DCC: variants seen among roughly 807,000 people sequenced by gnomAD.
DCC encodes the protein DCC netrin 1 receptor.
A neutral mutation model predicts 172.5 loss-of-function variants in DCC; 58 were observed. The ratio of observed to expected loss-of-function variants is 0.34; its 90% CI spans 0.27 to 0.42. The LOEUF is 0.42. DCC is among the 10% of genes least tolerant of loss of function. The pLI is 1.00. For missense variants in DCC, 1,740 were observed against 1,791.0 expected, an observed-to-expected ratio of 0.97 and a Z score of 0.51; for synonymous variants, 709 against 644.5, an observed-to-expected ratio of 1.10 and a Z score of -1.52.
intron 15 of DCC, among the ~76,000 whole-genome samples, chr18:53,377,390 G>GAGAGAGAGC (rs1907372825): frequency 1.2e-5 from 1 of 80,562 alleles, no homozygotes; most frequent in Non-Finnish European, 2.7e-5. Context: ...AGAGAGAGAG[G>GAGAGAGAGC]AAGAAGGCCA....
intron 1 of DCC, among the ~76,000 whole-genome samples, chr18:52,709,878 A>G (rs1012105421): frequency 5.3e-5 from 8 of 152,254 alleles, no homozygotes; most frequent in Admixed American, 4.6e-4. Flanking sequence ...GCAAATTAAT[A>G]AGATTTTTAA....
chr18:52,892,064 C>A (rs2039658110), intron 2 of DCC, among the ~76,000 whole-genome samples: 1 of 152,032 alleles, frequency 6.6e-6, no homozygotes, highest in African/African-American at 2.4e-5. Flanking sequence ...TGCTTACAGC[C>A]CCAGGTTAAT....
At chr18:53,394,106 A>T (rs1268321328) in intron 17 of DCC, among the ~76,000 whole-genome samples, 1 of 152,232 alleles carries the variant, frequency 6.6e-6, no homozygotes, top group Non-Finnish European at 1.5e-5. Context: ...TTTAAAAGGT[A>T]GGCAGGACAT....
chr18:53,522,711 A>G (rs1450780012), intron 27 of DCC, among the ~76,000 whole-genome samples: 1 of 152,200 alleles, frequency 6.6e-6, no homozygotes, highest in African/African-American at 2.4e-5. Flanking sequence ...CTGGCTAGCC[A>G]TATGCAGAAA....
At chr18:52,707,381 G>A (rs1396289465) in intron 1 of DCC, among the ~76,000 whole-genome samples, 4 of 152,136 alleles carry the variant, frequency 2.6e-5, no homozygotes, top group African/African-American at 9.7e-5. Context: ...GTCATTTTGT[G>A]TGGAAAGTTT....
intron 1 of DCC, among the ~76,000 whole-genome samples, chr18:52,539,514 C>A (rs2032380627): frequency 6.6e-6 from 1 of 152,184 alleles, no homozygotes; most frequent in Admixed American, 6.5e-5. Flanking sequence ...CATAGGAGTA[C>A]AACCCCTATT....
At chr18:52,979,009 G>C (rs1039749600) in intron 5 of DCC, among the ~76,000 whole-genome samples, 4 of 152,026 alleles carry the variant, frequency 2.6e-5, no homozygotes, top group African/African-American at 9.7e-5. Context: ...ATTGTGAATT[G>C]TGCTGTAATA....
At chr18:53,431,707 C>T (rs527588214) in intron 21 of DCC, among the ~76,000 whole-genome samples, 7 of 152,204 alleles carry the variant, frequency 4.6e-5, no homozygotes, top group Admixed American at 3.3e-4. Context: ...CTGTCTTGAT[C>T]TCTTGACCTC....
At chr18:52,646,896 C>T (rs776458292) in intron 1 of DCC, among the ~76,000 whole-genome samples, 4 of 152,174 alleles carry the variant, frequency 2.6e-5, no homozygotes, top group Non-Finnish European at 5.9e-5. Context: ...ACCTTGTAAT[C>T]ACTTGGTCTT....
At chr18:53,079,949 C>T (rs1471009461) in intron 7 of DCC, among the ~76,000 whole-genome samples, 1 of 152,068 alleles carries the variant, frequency 6.6e-6, no homozygotes, top group Non-Finnish European at 1.5e-5. Context: ...GAAAATTGGA[C>T]TTTTTGTCTA....
At chr18:52,663,748 G>C (rs2035408052) in intron 1 of DCC, among the ~76,000 whole-genome samples, 1 of 152,108 alleles carries the variant, frequency 6.6e-6, no homozygotes, top group Non-Finnish European at 1.5e-5. Flanking sequence ...TTCCATAGTA[G>C]AAAGTCATTT....
At chr18:52,944,866 TTATG>T (rs1187991947) in intron 5 of DCC, among the ~76,000 whole-genome samples, 8 of 152,188 alleles carry the variant, frequency 5.3e-5, no homozygotes, top group Non-Finnish European at 1.0e-4. Context: ...AAGTTGGTAT[TTATG>T]ATAAGAAAAG....
chr18:53,045,912 A>C (rs1324937520), intron 5 of DCC, among the ~76,000 whole-genome samples: 1 of 151,876 alleles, frequency 6.6e-6, no homozygotes, highest in Non-Finnish European at 1.5e-5. Flanking sequence ...GTTTTCATCG[A>C]CTGGGCAGGA....
intron 1 of DCC, among the ~76,000 whole-genome samples, chr18:52,482,329 A>T (rs1241070211): frequency 6.6e-6 from 1 of 152,194 alleles, no homozygotes; most frequent in Non-Finnish European, 1.5e-5. Context: ...ATTATTTGCC[A>T]GTTCCCTAAA....
At chr18:53,435,726 C>G (rs1370453960) in intron 22 of DCC, among the ~76,000 whole-genome samples, 3 of 152,164 alleles carry the variant, frequency 2.0e-5, no homozygotes, top group Non-Finnish European at 4.4e-5. Context: ...ACATTTATTT[C>G]TGCTCATCCT....
chr18:53,290,901 G>C (rs974654821), intron 12 of DCC, among the ~76,000 whole-genome samples: 6 of 152,136 alleles, frequency 3.9e-5, no homozygotes, highest in Non-Finnish European at 5.9e-5. Context: ...AGGCACAATG[G>C]CTCACACCTG....
At position 53,009,756 on chromosome 18, in the gene DCC, C is replaced by T. The variant is rs144168314; in HGVS notation, c.986-53549C>T. 3.2e-3 allele frequency among the ~76,000 whole-genome samples: 483 copies of T among 152,044 alleles called. 3 individuals are homozygous for T. The Middle Eastern group carries it at 0.044, about 14-fold the overall frequency. On this transcript the variant is annotated intron_variant, in intron 5 of 28. Coordinates refer to ENST00000442544, the MANE Select transcript of DCC (RefSeq NM_005215.4). ...GTTGTAAATTTTAAAACAGCAATCACATTTTCAGATACTCTGAACCAGATG... is the reference window on the plus strand; with the variant it reads ...GTTGTAAATTTTAAAACAGCAATCATATTTTCAGATACTCTGAACCAGATG...
At chr18:53,287,089 C>T (rs996491161) in intron 12 of DCC, among the ~76,000 whole-genome samples, 6 of 152,198 alleles carry the variant, frequency 3.9e-5, no homozygotes, top group African/African-American at 1.4e-4. Flanking sequence ...AATTTTCTAA[C>T]ATTTTGTCAC....
chr18:52,451,851 G>A (rs1988316772), intron 1 of DCC, among the ~76,000 whole-genome samples: 3 of 152,106 alleles, frequency 2.0e-5, no homozygotes, highest in Non-Finnish European at 2.9e-5. Context: ...CCTTGTTGCA[G>A]CTAGGCATTA....
Sources: gnomAD v4.1 joint callset for allele counts (sites outside exome capture counted in the v4.1 genomes callset) on GRCh38, gnomAD v4.1.1 for gene constraint, MANE v1.5 for transcripts, NCBI Gene and HGNC (gene_info 2026-07-23, HGNC 2026-07-21) for gene names.